CENPI: variants seen among roughly 807,000 people sequenced by gnomAD.
CENPI encodes centromere protein I.
In CENPI, 4 loss-of-function variants were observed where a neutral mutation model predicts 60.4. That is an observed-to-expected ratio of 0.07 (90% CI 0.03 to 0.15). The LOEUF (loss-of-function observed/expected upper bound fraction) is 0.15, where lower values mean the gene tolerates loss of function less well. Ranked by LOEUF, CENPI falls within the 10% of genes least tolerant of loss-of-function variation. CENPI has a pLI of 1.00. For missense variants in CENPI, 444 were observed against 534.5 expected (o/e 0.83, Z 1.67); for synonymous variants, 157 against 189.4 (o/e 0.83, Z 1.40).
chrX:101,179,543 C>T, the CENPI span, among the ~76,000 whole-genome samples: 4 of 104,330 alleles, frequency 3.8e-5, no homozygotes, highest in Non-Finnish European at 7.8e-5. Context: ...TTTTTTGAGA[C>T]GGAGTCTCGC....
At position 101,132,249 on chromosome X, in the gene CENPI, T is replaced by G; in HGVS notation, c.1347T>G (p.Leu449=). The G allele has an allele frequency of 8.3e-7, 1 of 1,210,079 alleles. No individual in the cohort carries two copies. The highest frequency in any genetic ancestry group is 1.1e-6 in the Non-Finnish European group (1 of 894,724). Residue 449 remains leucine, a synonymous_variant, in exon 14 of 22, where the codon CTT becomes CTG. Transcript: ENST00000682095. ...LYKSLPLWDG[L]CCRSQFLQLV... ...AGAGCCTTCCTCTCTGGGATGGCCT[T>G]TGTTGTCGGTCACAGTTCCTTCAGC...
At chrX:101,131,080 C>A (rs747308290) in intron 13 of CENPI, among the ~76,000 whole-genome samples, 1 of 111,267 alleles carries the variant, frequency 9.0e-6, no homozygotes, top group Admixed American at 9.6e-5. Context: ...GCCTTGACCT[C>A]CTGGGCTCAA....
At chrX:101,139,120 T>C (rs1176882631) in intron 15 of CENPI, among the ~76,000 whole-genome samples, 3 of 87,171 alleles carry the variant, frequency 3.4e-5, no homozygotes, top group African/African-American at 1.3e-4. Context: ...TGAGACAGTG[T>C]CTCACTCTGT....
intron 20 of CENPI, among the ~76,000 whole-genome samples, chrX:101,156,152 A>G (rs1405824423): frequency 1.8e-5 from 2 of 110,655 alleles, no homozygotes; most frequent in African/African-American, 6.6e-5. Flanking sequence ...AGCTGGGATT[A>G]CAGGCACCCG....
rs763318229 is a variant in CENPI, at chrX:101,137,545, T to C, written c.1471-3121T>C. 3.6e-5 allele frequency among the ~76,000 whole-genome samples: 4 copies of C among 111,624 alleles called. No homozygotes were observed. The East Asian group carries it at 1.1e-3, about 32-fold the overall frequency. ...GGTATGAAGGCCTGGTCTTCACAGT[T>C]ACAGTGGGATTGGGAAGGAAATGAA... On this transcript the variant is annotated intron_variant, in intron 15 of 21. Transcript: ENST00000682095.
chrX:101,124,179 G>A (rs2089710209), intron 8 of CENPI, among the ~76,000 whole-genome samples: 1 of 104,844 alleles, frequency 9.5e-6, no homozygotes, highest in Non-Finnish European at 1.9e-5. Context: ...ATTTTTTTAT[G>A]GTGGCTGGTA....
chrX:101,148,448 G>T (rs1425747006), intron 20 of CENPI, among the ~76,000 whole-genome samples: 1 of 111,753 alleles, frequency 8.9e-6, no homozygotes, highest in African/African-American at 3.2e-5. Flanking sequence ...AGAAAGATGG[G>T]GGAGTGATTA....
Position 101,120,794 on chromosome X carries a change from G to GA in CENPI, c.687+14dup. ...TCTTCAGGCCAAAATGGTGAGTACT[G>GA]AAAAGACCTAAGACCTGCCAATGTA... On this transcript the variant is annotated intron_variant, in intron 8 of 21. Coordinates refer to ENST00000682095, the MANE Select transcript of CENPI (RefSeq NM_001386188.2). 5.0e-6 allele frequency: 6 copies of GA among 1,196,377 alleles called. No individual in the cohort carries two copies. The highest frequency in any genetic ancestry group is 6.8e-6 in the Non-Finnish European group (6 of 883,261).
intron 20 of CENPI, among the ~76,000 whole-genome samples, chrX:101,159,650 C>T (rs1011335355): frequency 2.7e-5 from 3 of 110,078 alleles, no homozygotes; most frequent in South Asian, 3.9e-4. Flanking sequence ...TTAGTAGAGA[C>T]GGGGTTTCAC....
intron 6 of CENPI, 27 bp from the exon 7 acceptor site, chrX:101,120,375 T>C (rs372218327): frequency 2.8e-6 from 2 of 713,821 alleles, no homozygotes; most frequent in Non-Finnish European, 4.3e-6. Flanking sequence ...TTATCATTTC[T>C]CTTAATATTT....
At position 101,138,136 on chromosome X, in the gene CENPI, C is replaced by A. The variant is rs191446734; in HGVS notation, c.1471-2530C>A. Reference sequence around the variant, plus strand: ...CCGAGTAGTTGAGATTACAGGTGCCCGCCACCATGCCTGGCTACTTTTTGT... The same window carrying A: ...CCGAGTAGTTGAGATTACAGGTGCCAGCCACCATGCCTGGCTACTTTTTGT... On this transcript the variant is annotated intron_variant, in intron 15 of 21. Coordinates refer to ENST00000682095, the MANE Select transcript of CENPI (RefSeq NM_001386188.2). 6.9e-3 allele frequency among the ~76,000 whole-genome samples: 648 copies of A among 93,979 alleles called. 9 individuals carry two copies. Among genetic ancestry groups the A allele is most frequent in the African/African-American group, 0.024 (614 of 25,259 alleles). 81.6% of individuals were successfully genotyped at this position (93,979 alleles called of 115,157 possible). A position where few individuals can be genotyped will look rare whatever the true frequency, so the allele number is the denominator to read the frequency against.
At chrX:101,122,336 A>G (rs764384720) in intron 8 of CENPI, among the ~76,000 whole-genome samples, 4 of 111,801 alleles carry the variant, frequency 3.6e-5, no homozygotes, top group Admixed American at 9.6e-5. Flanking sequence ...ACAAACACAG[A>G]ACACATTTGT....
At chrX:101,104,798 A>T (rs1054860455) in intron 4 of CENPI, among the ~76,000 whole-genome samples, 2 of 108,707 alleles carry the variant, frequency 1.8e-5, no homozygotes, top group African/African-American at 6.7e-5. Context: ...AGTTTGAGCT[A>T]TGATGGTGCC....
At chrX:101,169,187 G>A (rs758537298), downstream of CENPI, among the ~76,000 whole-genome samples, 1 of 112,115 alleles carries the variant, frequency 8.9e-6, no homozygotes, top group Admixed American at 9.5e-5. Context: ...ACACAAATAT[G>A]CTCATAATGG....
intron 3 of CENPI, among the ~76,000 whole-genome samples, chrX:101,101,593 CT>C (rs10710815): frequency 0.052 from 5,692 of 109,266 alleles, 424 homozygotes; most frequent in African/African-American, 0.18. Context: ...AACAAACAAA[CT>C]GATGTCAGGC....
intron 4 of CENPI, among the ~76,000 whole-genome samples, chrX:101,103,984 T>C (rs2089453826): frequency 9.0e-6 from 1 of 111,348 alleles, no homozygotes; most frequent in Admixed American, 9.6e-5. Context: ...TCTTTCTTTT[T>C]TTTTTTTTGA....
At chrX:101,147,584 C>G (rs2089973152) in intron 18 of CENPI, among the ~76,000 whole-genome samples, 179 bp from the exon 19 acceptor site, 1 of 111,929 alleles carries the variant, frequency 8.9e-6, no homozygotes, top group East Asian at 2.8e-4. Context: ...TCTATTTTCA[C>G]TTGAGGAGAA....
intron 13 of CENPI, among the ~76,000 whole-genome samples, chrX:101,130,441 A>T: frequency 8.9e-6 from 1 of 112,024 alleles, no homozygotes; most frequent in Non-Finnish European, 1.9e-5. Flanking sequence ...CTCAAAAACA[A>T]CAACAACAAA....
chrX:101,176,171 A>AT, the CENPI span, among the ~76,000 whole-genome samples: 1 of 111,730 alleles, frequency 9.0e-6, no homozygotes. Context: ...ATGTATGTGC[A>AT]TTTTTAATTC....
Sources: gnomAD v4.1 joint callset for allele counts (sites outside exome capture counted in the v4.1 genomes callset) on GRCh38, gnomAD v4.1.1 for gene constraint, MANE v1.5 for transcripts, NCBI Gene and HGNC (gene_info 2026-07-23, HGNC 2026-07-21) for gene names.